Variants in MYO18A observed in about 807,000 individuals in gnomAD.
The protein encoded by MYO18A is unconventional myosin-XVIIIa.
MYO18A carries 78 observed loss-of-function variants against 235.8 expected under a neutral mutation model. The observed-to-expected ratio is 0.33, with a 90% confidence interval of 0.28 to 0.40. The LOEUF (loss-of-function observed/expected upper bound fraction) is 0.40. Ranked by LOEUF, MYO18A falls within the 10% of genes least tolerant of loss-of-function variation. The pLI is 1.00. For missense variants in MYO18A, 2,215 were observed against 2,699.3 expected, an observed-to-expected ratio of 0.82 and a Z score of 3.98; for synonymous variants, 977 against 1,077.8, an observed-to-expected ratio of 0.91 and a Z score of 1.83.
In MYO18A at chr17:29,162,518, C is replaced by T. The variant is rs7212302; in HGVS notation, c.999+3424G>A. Among the ~76,000 whole-genome samples, 642 of 152,352 alleles carry T rather than the reference C, an allele frequency of 4.2e-3. 3 individuals carry two copies. Among genetic ancestry groups the T allele is most frequent in the African/African-American group, 0.015 (603 of 41,578 alleles). On this transcript the variant is annotated intron_variant, in intron 2 of 41. Coordinates refer to ENST00000527372, the MANE Select transcript of MYO18A (RefSeq NM_078471.4). ...CATCTACTACCCAGATGTCAGCTTT[C>T]GCTGACCCATCCACAAGACTGGACT...
At chr17:29,105,372 GA>G (rs2066758925) in intron 20 of MYO18A, among the ~76,000 whole-genome samples, 3 of 152,094 alleles carry the variant, frequency 2.0e-5, no homozygotes, top group Admixed American at 6.5e-5. Flanking sequence ...GCTCCTTCCA[GA>G]GAGCAAAACC....
At chr17:29,168,884 G>C (rs549457039) in intron 1 of MYO18A, among the ~76,000 whole-genome samples, 3 of 152,148 alleles carry the variant, frequency 2.0e-5, no homozygotes, top group Non-Finnish European at 4.4e-5. Context: ...GATCACTTGA[G>C]GTCAGAAGTT....
At chr17:29,114,394 G>A (rs2067006796) in intron 14 of MYO18A, 3 of 369,766 alleles carry the variant, frequency 8.1e-6, no homozygotes, top group Admixed American at 4.3e-5. Flanking sequence ...AATCATCCTT[G>A]AAACACTTGA....
At chr17:29,119,549 C>G in intron 7 of MYO18A, 114 bp from the exon 8 acceptor site, 1 of 598,974 alleles carries the variant, frequency 1.7e-6, no homozygotes, top group Non-Finnish European at 2.7e-6. Flanking sequence ...GAACAAGCAG[C>G]TGCATTTTTT....
Position 29,073,643 on chromosome 17 carries a change from C to G in MYO18A, c.*1127G>C. 1 of 558,318 alleles carries G rather than the reference C, an allele frequency of 1.8e-6. No homozygotes were observed. The highest frequency in any genetic ancestry group is 3.1e-6 in the Non-Finnish European group (1 of 318,804). 34.6% of individuals were successfully genotyped at this position (558,318 alleles called of 1,614,324 possible). ...GATGGGAGCAGCACCAGGCACTGCA[C>G]TTGGGCTCCCAAGTCTGGTGGAGTT... On this transcript the variant is annotated 3_prime_UTR_variant, in exon 42 of 42. Transcript: ENST00000527372.
intron 10 of MYO18A, 58 bp from the exon 11 acceptor site, chr17:29,116,513 G>A: frequency 6.2e-7 from 1 of 1,611,162 alleles, no homozygotes; most frequent in Non-Finnish European, 8.5e-7. Context: ...TTAGCAAACA[G>A]TCATCAATAG....
chr17:29,109,841 A>G lies in MYO18A; in HGVS notation c.3331+17T>C. 6.5e-7 allele frequency: 1 copy of G among 1,546,668 alleles called. No individual in the cohort carries two copies. On this transcript the variant is annotated intron_variant, in intron 19 of 41. Transcript: ENST00000527372. This position sits in a 1 kb window ranked among gnomAD's most constrained non-coding sequence, Gnocchi z 4.1. ...CTGGAAAAGAGAGCCCAGAGTGGAG[A>G]GGAAAGGAGGCCCCACCTTGGCGGT...
At chr17:29,080,383 CG>C in intron 41 of MYO18A, 2 of 986,128 alleles carry the variant, frequency 2.0e-6, no homozygotes, top group Non-Finnish European at 2.4e-6. Flanking sequence ...CGACAGACTG[CG>C]GGCCAGCGAC....
At chr17:29,131,494 C>T in intron 2 of MYO18A, 1 of 916,688 alleles carries the variant, frequency 1.1e-6, no homozygotes, top group Non-Finnish European at 1.3e-6. Context: ...GGAGACCCAG[C>T]ACTAAAAGCA....
At chr17:29,179,950 C>T (rs2068612007) in intron 1 of MYO18A, among the ~76,000 whole-genome samples, 1 of 152,062 alleles carries the variant, frequency 6.6e-6, no homozygotes, top group South Asian at 2.1e-4. Context: ...TCCCCCCACC[C>T]TCGAGGCTGC....
intron 1 of MYO18A, among the ~76,000 whole-genome samples, chr17:29,179,433 TGGCCGG>T (rs1296755462): frequency 2.0e-5 from 3 of 152,030 alleles, no homozygotes; most frequent in Non-Finnish European, 4.4e-5. Context: ...CCCACACTCC[TGGCCGG>T]GTTTGGGACC....
intron 41 of MYO18A, chr17:29,080,921 G>A (rs1457723511): frequency 1.0e-6 from 1 of 985,340 alleles, no homozygotes; most frequent in African/African-American, 1.7e-5. Flanking sequence ...GAGTCCTTTA[G>A]GGTGAGCCGC....
intron 2 of MYO18A, among the ~76,000 whole-genome samples, chr17:29,129,289 T>A (rs2067403176): frequency 6.6e-6 from 1 of 152,178 alleles, no homozygotes. Context: ...TCTGCCAGTC[T>A]CCTTGCAGTT....
chr17:29,147,726 C>A (rs1022391481), intron 2 of MYO18A, among the ~76,000 whole-genome samples: 1 of 151,502 alleles, frequency 6.6e-6, no homozygotes, highest in Non-Finnish European at 1.5e-5. Context: ...ACACAGAGAC[C>A]CGTCTACAAA....
At chr17:29,142,805 T>A (rs140911927) in intron 2 of MYO18A, among the ~76,000 whole-genome samples, 1 of 152,352 alleles carries the variant, frequency 6.6e-6, no homozygotes, top group African/African-American at 2.4e-5. Context: ...TTCAACTTCT[T>A]TTCATTTGTA....
rs556005494 is a variant in MYO18A, at chr17:29,117,748, G to A, written c.2038+297C>T. Among the ~76,000 whole-genome samples, 29 of 152,258 alleles carry A rather than the reference G, an allele frequency of 1.9e-4. 2 individuals carry two copies. The South Asian group carries it at 3.5e-3, about 19-fold the overall frequency. ...GAACAAGAAGGAGAGTTATTCCAGC[G>A]GGGCTGCCCTGCCTTAGTGCCCTTC... On this transcript the variant is annotated intron_variant, in intron 10 of 41. Coordinates refer to ENST00000527372, the MANE Select transcript of MYO18A (RefSeq NM_078471.4). The surrounding 1 kb of genome is among the most constrained non-coding windows in gnomAD (Gnocchi z 4.6).
intron 2 of MYO18A, among the ~76,000 whole-genome samples, chr17:29,152,843 T>C (rs1472936544): frequency 6.6e-6 from 1 of 151,982 alleles, no homozygotes; most frequent in African/African-American, 2.4e-5. Context: ...TGCTTCAGCC[T>C]CCTAAGTAGC....
At position 29,136,250 on chromosome 17, in the gene MYO18A, A is replaced by AAAAT. The variant is rs1483354837; in HGVS notation, c.1000-13998_1000-13997insATTT. ...CATCTCAAAAGAAAAAAAAAAAAAAAATATATATATATATATATATATATG... is the reference window on the plus strand; with the variant it reads ...CATCTCAAAAGAAAAAAAAAAAAAAAAAATATATATATATATATATATATATATG... On this transcript the variant is annotated intron_variant, in intron 2 of 41. Transcript: ENST00000527372. Among the ~76,000 whole-genome samples, 666 of 82,406 alleles carry AAAAT rather than the reference A, an allele frequency of 8.1e-3. 5 individuals carry two copies. Among genetic ancestry groups the AAAAT allele is most frequent in the Non-Finnish European group, 0.013 (527 of 41,484 alleles). The allele number at this position is 82,406 out of a possible 152,430, so 54.1% of individuals were successfully genotyped here.
chr17:29,144,330 G>A (rs1018248173), intron 2 of MYO18A, among the ~76,000 whole-genome samples: 11 of 152,222 alleles, frequency 7.2e-5, no homozygotes, highest in Admixed American at 7.2e-4. Context: ...CTGGCTCTCC[G>A]TCATTTGCCT....
Sources: gnomAD v4.1 joint callset for allele counts (sites outside exome capture counted in the v4.1 genomes callset) on GRCh38, gnomAD v4.1.1 for gene constraint, Gnocchi (gnomAD v3.1) non-coding constraint, MANE v1.5 for transcripts, NCBI Gene and HGNC (gene_info 2026-07-23, HGNC 2026-07-21) for gene names.